DNAH14: variants seen among roughly 807,000 people sequenced by gnomAD.
DNAH14 encodes the protein axonemal beta dynein heavy chain 14.
In DNAH14, 478 loss-of-function variants were observed where a neutral mutation model predicts 520.9. That is an observed-to-expected ratio of 0.92 (90% confidence interval 0.85 to 0.99). The LOEUF is 0.99. Among genes scored for constraint, DNAH14 ranks in the 50% least tolerant of loss-of-function variants. DNAH14 has a pLI of 0.00. For synonymous variants in DNAH14, 1,581 were observed against 1,757.2 expected, an observed-to-expected ratio of 0.90 and a Z score of 2.51; for missense variants, 4,831 against 5,234.5, an observed-to-expected ratio of 0.92 and a Z score of 2.38.
chr1:225,033,804 T>C (rs1462531835), intron 11 of DNAH14, among the ~76,000 whole-genome samples: 1 of 152,112 alleles, frequency 6.6e-6, no homozygotes, highest in Non-Finnish European at 1.5e-5. Flanking sequence ...TAGCTGTATT[T>C]CTAAGTATTT....
chr1:225,387,642 A>G (rs1478891329), intron 81 of DNAH14, among the ~76,000 whole-genome samples: 1 of 152,102 alleles, frequency 6.6e-6, no homozygotes, highest in Non-Finnish European at 1.5e-5. Flanking sequence ...GTCTAGTCAC[A>G]GAAGCCTAGG....
chr1:225,358,601 G>C lies in DNAH14; in HGVS notation c.11725G>C (p.Ala3909Pro). 1 of 1,548,674 alleles carries C rather than the reference G, an allele frequency of 6.5e-7. No individual in the cohort carries two copies. Among genetic ancestry groups the C allele is most frequent in the Non-Finnish European group, 8.7e-7 (1 of 1,145,994 alleles). Reference protein sequence around the residue: ...LQRTGVNLKDAYKGSNARTPL... With the variant: ...LQRTGVNLKDPYKGSNARTPL... ...AAGAACTGGAGTTAATTTGAAAGATGCATATAAAGGATCCAATGCCAGAAC... is the reference window on the plus strand; with the variant it reads ...AAGAACTGGAGTTAATTTGAAAGATCCATATAAAGGATCCAATGCCAGAAC... The change falls in exon 74 of 86, where the codon GCA becomes CCA. Residue 3909 changes from alanine (A) to proline (P), a missense_variant. By Grantham distance (27) the Ala-to-Pro change is conservative (BLOSUM62 -1). Coordinates refer to ENST00000682510, the MANE Select transcript of DNAH14 (RefSeq NM_001367479.1).
chr1:225,358,486 T>C lies in DNAH14; in HGVS notation c.11620-10T>C. 6.7e-7 allele frequency: 1 copy of C among 1,503,004 alleles called. No homozygotes were observed. The highest frequency in any genetic ancestry group is 8.9e-7 in the Non-Finnish European group (1 of 1,126,660). The allele number at this position is 1,503,004 out of a possible 1,614,324, so 93.1% of individuals were successfully genotyped here. A position where few individuals can be genotyped will look rare whatever the true frequency, so the allele number is the denominator to read the frequency against. The stretch of plus-strand genomic sequence containing the variant: ...TAATTTTACCTTATCTTCCATGTTT[T>C]CTTTTTTAGGTAAAAGTTCTTAGAC... On this transcript the variant is annotated splice_polypyrimidine_tract_variant and intron_variant, in intron 73 of 85. Coordinates refer to ENST00000682510, the MANE Select transcript of DNAH14 (RefSeq NM_001367479.1).
At chr1:224,932,498 T>G (rs2058761797) in intron 1 of DNAH14, among the ~76,000 whole-genome samples, 3 of 152,294 alleles carry the variant, frequency 2.0e-5, no homozygotes, top group Admixed American at 2.0e-4. Flanking sequence ...TGCCTGTGCT[T>G]TTGAGGTCTT....
chr1:225,127,426 C>A (rs567100451), intron 27 of DNAH14, among the ~76,000 whole-genome samples: 2 of 152,094 alleles, frequency 1.3e-5, no homozygotes, highest in East Asian at 3.9e-4. Context: ...GGATAGTTAG[C>A]TCTTCTTGTT....
intron 48 of DNAH14, among the ~76,000 whole-genome samples, chr1:225,265,986 T>C (rs895691123): frequency 6.6e-6 from 1 of 152,194 alleles, no homozygotes; most frequent in East Asian, 1.9e-4. Flanking sequence ...CATATGTCTA[T>C]TTGTGGGTTT....
intron 1 of DNAH14, among the ~76,000 whole-genome samples, chr1:224,942,597 A>G (rs937594886): frequency 3.3e-5 from 5 of 152,150 alleles, no homozygotes; most frequent in Admixed American, 6.5e-5. Flanking sequence ...TTCAAAGGGA[A>G]TGCTTCCAGT....
intron 35 of DNAH14, among the ~76,000 whole-genome samples, chr1:225,166,220 A>G (rs2082032494): frequency 6.6e-6 from 1 of 152,048 alleles, no homozygotes; most frequent in South Asian, 2.1e-4. Flanking sequence ...CAATGGTTTT[A>G]CTTTTGAGCC....
At position 224,984,636 on chromosome 1, in the gene DNAH14, CTA is replaced by C. The variant is rs1213595334; in HGVS notation, c.830+10486_830+10487del. On this transcript the variant is annotated intron_variant, in intron 8 of 85. Coordinates refer to ENST00000682510, the MANE Select transcript of DNAH14 (RefSeq NM_001367479.1). ...CAGAGTGGGAGAAAATCTTTACAAT[CTA>C]TACATCTGAGAAAGGACTAATATCC... Among the ~76,000 whole-genome samples the C allele has an allele frequency of 9.9e-5, 15 of 152,218 alleles. No individual in the cohort carries two copies. The South Asian group carries it at 3.1e-3, about 32-fold the overall frequency.
At chr1:225,274,382 A>C (rs1234682282) in intron 52 of DNAH14, among the ~76,000 whole-genome samples, 1 of 150,144 alleles carries the variant, frequency 6.7e-6, no homozygotes, top group African/African-American at 2.5e-5. Context: ...TTTTTTTTGT[A>C]TTTTTAGTAG....
rs771510133 is a variant in DNAH14 at position 225,303,227 on chromosome 1, A to C, written c.8703A>C (p.Arg2901Ser). Residue 2901 changes from arginine to serine, a missense_variant, in exon 57 of 86, where the codon AGA becomes AGC. Transcript: ENST00000682510. ...PEGPSFRQNC[R>S]VYPSMISSCT... ...GACCTAGCTTCCGCCAAAATTGTAG[A>C]GTGTATCCTTCTATGATTAGCTCCT... is the stretch of plus-strand genomic sequence containing the variant. 1 of 1,548,220 alleles carries C rather than the reference A, an allele frequency of 6.5e-7. No individual in the cohort carries two copies. Among genetic ancestry groups the C allele is most frequent in the Admixed American group, 2.0e-5 (1 of 50,550 alleles).
intron 10 of DNAH14, among the ~76,000 whole-genome samples, chr1:225,011,456 T>C (rs2064733593): frequency 6.6e-6 from 1 of 151,364 alleles, no homozygotes; most frequent in African/African-American, 2.4e-5. Context: ...TTAGGTTTGC[T>C]TGGTCCAGAG....
chr1:224,988,444 A>G (rs1380292669), intron 8 of DNAH14, among the ~76,000 whole-genome samples: 1 of 152,216 alleles, frequency 6.6e-6, no homozygotes, highest in African/African-American at 2.4e-5. Context: ...GCCAGTTAGA[A>G]TGGCGATTAT....
At chr1:224,951,251 C>T (rs2060152568) in intron 1 of DNAH14, among the ~76,000 whole-genome samples, 1 of 152,132 alleles carries the variant, frequency 6.6e-6, no homozygotes, top group South Asian at 2.1e-4. Flanking sequence ...GTCTCGAACT[C>T]CTGGCATCAA....
chr1:225,393,041 G>T (rs1447557696), intron 84 of DNAH14, among the ~76,000 whole-genome samples: 1 of 152,198 alleles, frequency 6.6e-6, no homozygotes, highest in Admixed American at 6.5e-5. Flanking sequence ...ATTCCAATTT[G>T]TTCTGGGAAT....
chr1:225,276,398 A>C (rs561493039), intron 53 of DNAH14, among the ~76,000 whole-genome samples: 11 of 152,320 alleles, frequency 7.2e-5, no homozygotes, highest in African/African-American at 2.2e-4. Context: ...AGAGTTCATG[A>C]AGATAAATGC....
chr1:225,059,575 T>C (rs2069692895), intron 17 of DNAH14, among the ~76,000 whole-genome samples: 2 of 152,406 alleles, frequency 1.3e-5, no homozygotes, highest in South Asian at 4.1e-4. Flanking sequence ...TATTATGATG[T>C]TAGCTGGTTA....
chr1:225,272,370 G>A (rs1358432030), intron 51 of DNAH14, among the ~76,000 whole-genome samples: 1 of 152,190 alleles, frequency 6.6e-6, no homozygotes, highest in Non-Finnish European at 1.5e-5. Flanking sequence ...AGATTTTATT[G>A]TGGCTGTCAG....
chr1:225,025,579 A>G (rs1022408425), intron 11 of DNAH14, among the ~76,000 whole-genome samples: 3 of 151,562 alleles, frequency 2.0e-5, no homozygotes, highest in African/African-American at 7.3e-5. Flanking sequence ...AAAAACAACA[A>G]CAACAACAAC....
Sources: gnomAD v4.1 joint callset for allele counts (sites outside exome capture counted in the v4.1 genomes callset) on GRCh38, gnomAD v4.1.1 for gene constraint, MANE v1.5 for transcripts, NCBI Gene and HGNC (gene_info 2026-07-23, HGNC 2026-07-21) for gene names.